IGF1R: variants seen among roughly 807,000 people sequenced by gnomAD.
IGF1R encodes the protein insulin like growth factor 1 receptor, also known as insulin-like growth factor 1 receptor.
A neutral mutation model predicts 144.6 loss-of-function variants in IGF1R; 44 were observed. The ratio of observed to expected loss-of-function variants is 0.30; its 90% CI spans 0.24 to 0.39. The LOEUF (loss-of-function observed/expected upper bound fraction) is 0.39, where lower values mean the gene tolerates loss of function less well. IGF1R is among the 10% of genes least tolerant of loss of function. IGF1R has a pLI of 1.00. For missense variants in IGF1R, 1,355 were observed against 1,833.7 expected (o/e 0.74, Z 4.77); for synonymous variants, 795 against 722.8 (o/e 1.10, Z -1.60).
At chr15:98,927,262 C>T (rs1156439581) in intron 13 of IGF1R, among the ~76,000 whole-genome samples, 1 of 152,180 alleles carries the variant, frequency 6.6e-6, no homozygotes. Context: ...AGACTCTGTC[C>T]TGCTACAGTT....
chr15:98,958,740 T>C lies in IGF1R; in HGVS notation c.*1298T>C, dbSNP rs1000010021. The C allele has an allele frequency of 8.6e-6, 2 of 232,446 alleles. No homozygotes were observed. Among genetic ancestry groups the C allele is most frequent in the Admixed American group, 5.6e-5 (1 of 17,742 alleles). 14.4% of individuals were successfully genotyped at this position (232,446 alleles called of 1,614,324 possible). ...CTATTTTTTTTGTTCTTGATCTTTG[T>C]GGATTTAATCTATGAAAACCTTCAG... is the stretch of plus-strand genomic sequence containing the variant. On this transcript the variant is annotated 3_prime_UTR_variant, in exon 21 of 21. Coordinates refer to ENST00000650285, the MANE Select transcript of IGF1R (RefSeq NM_000875.5).
At chr15:98,862,103 G>A (rs930989121) in intron 2 of IGF1R, among the ~76,000 whole-genome samples, 7 of 152,144 alleles carry the variant, frequency 4.6e-5, no homozygotes, top group African/African-American at 1.7e-4. Flanking sequence ...GAAACTGTAG[G>A]GCTTATGATG....
chr15:98,824,338 C>T (rs1337019730), intron 2 of IGF1R: 1 of 152,316 alleles, frequency 6.6e-6, no homozygotes, highest in Admixed American at 6.5e-5. Context: ...TTTTCCTCTG[C>T]TCTTTCAGTC....
rs1163120912 is a variant in IGF1R, at chr15:98,960,602, A to G, written c.*3160A>G. 1.3e-5 allele frequency: 3 copies of G among 233,432 alleles called. No homozygotes were observed. Among genetic ancestry groups the G allele is most frequent in the Non-Finnish European group, 2.5e-5 (3 of 118,266 alleles). 14.5% of individuals were successfully genotyped at this position (233,432 alleles called of 1,614,324 possible). ...GGTTTGCTCCCCTTGCTGCTGCTCCATCCCTGCAGGAGGCTCGCGCTGAGG... is the reference window on the plus strand; with the variant it reads ...GGTTTGCTCCCCTTGCTGCTGCTCCGTCCCTGCAGGAGGCTCGCGCTGAGG... On this transcript the variant is annotated 3_prime_UTR_variant, in exon 21 of 21. Transcript: ENST00000650285.
At chr15:98,877,125 T>C (rs1352036710) in intron 2 of IGF1R, among the ~76,000 whole-genome samples, 3 of 152,232 alleles carry the variant, frequency 2.0e-5, no homozygotes, top group Admixed American at 2.0e-4. Context: ...GCTGTTGCTG[T>C]CCATGCTTCT....
chr15:98,661,820 TAGAA>T lies in IGF1R; in HGVS notation c.94+12148_94+12151del, dbSNP rs528394693. Among the ~76,000 whole-genome samples, 34 of 152,288 alleles carry T rather than the reference TAGAA, an allele frequency of 2.2e-4. No homozygotes were observed. In the South Asian group the frequency reaches 6.0e-3, roughly 27 times the overall value. On this transcript the variant is annotated intron_variant, in intron 1 of 20. Transcript: ENST00000650285. ...CAAGCTGCCCAGCAAACCTGGCAAA[TAGAA>T]AGCATCCAATAAATGGATGCTTTTC...
At chr15:98,881,717 G>T (rs569763446) in intron 2 of IGF1R, among the ~76,000 whole-genome samples, 41 of 152,180 alleles carry the variant, frequency 2.7e-4, no homozygotes, top group Non-Finnish European at 3.8e-4. Context: ...AGGAGGATCT[G>T]GGTTCCAAGC....
At chr15:98,910,793 GT>G (rs2014976522) in intron 6 of IGF1R, among the ~76,000 whole-genome samples, 1 of 152,342 alleles carries the variant, frequency 6.6e-6, no homozygotes, top group East Asian at 1.9e-4. Flanking sequence ...TGTCCTTCCA[GT>G]TTGATACCAA....
intron 2 of IGF1R, among the ~76,000 whole-genome samples, chr15:98,736,803 C>T (rs770624796): frequency 5.9e-5 from 9 of 151,746 alleles, no homozygotes; most frequent in Non-Finnish European, 7.4e-5. Flanking sequence ...GTAGAGACGA[C>T]GTTTCACCAT....
intron 2 of IGF1R, among the ~76,000 whole-genome samples, chr15:98,838,297 T>TA (rs1462842603): frequency 3.3e-5 from 5 of 152,256 alleles, no homozygotes; most frequent in African/African-American, 1.2e-4. Context: ...TTTAGAAAGA[T>TA]AAAAATTAAA....
chr15:98,794,595 T>G (rs2056197469), intron 2 of IGF1R, among the ~76,000 whole-genome samples: 1 of 152,256 alleles, frequency 6.6e-6, no homozygotes, highest in South Asian at 2.1e-4. Flanking sequence ...AGTGGCATTC[T>G]GATTTGTCTG....
chr15:98,823,204 C>G (rs147028838), intron 2 of IGF1R, among the ~76,000 whole-genome samples: 1 of 152,230 alleles, frequency 6.6e-6, no homozygotes, highest in African/African-American at 2.4e-5. Flanking sequence ...TGTGCTGTTC[C>G]TCTCTCTTTC....
At chr15:98,727,078 CT>C (rs1185449363) in intron 2 of IGF1R, among the ~76,000 whole-genome samples, 1 of 152,062 alleles carries the variant, frequency 6.6e-6, no homozygotes, top group Non-Finnish European at 1.5e-5. Flanking sequence ...GATTAGGTAC[CT>C]TTGTTTGGTT....
chr15:98,959,385 A>G lies in IGF1R; in HGVS notation c.*1943A>G, dbSNP rs1032299555. ...TGGCCCTCGCCACCCCCCTCACCGG[A>G]CCGACTGACCTGTCTTTGGAACCAG... On this transcript the variant is annotated 3_prime_UTR_variant, in exon 21 of 21. Transcript: ENST00000650285. The G allele has an allele frequency of 1.3e-5, 3 of 233,612 alleles. No individual in the cohort carries two copies. Among genetic ancestry groups the G allele is most frequent in the African/African-American group, 6.6e-5 (3 of 45,344 alleles). The allele number at this position is 233,612 out of a possible 1,614,324, so 14.5% of individuals were successfully genotyped here.
chr15:98,670,831 A>G (rs532501939), intron 1 of IGF1R, among the ~76,000 whole-genome samples: 2 of 152,330 alleles, frequency 1.3e-5, no homozygotes, highest in Non-Finnish European at 2.9e-5. Flanking sequence ...TTCTCCCCCA[A>G]TCAACATACA....
chr15:98,800,781 T>G (rs1329264351), intron 2 of IGF1R, among the ~76,000 whole-genome samples: 1 of 152,190 alleles, frequency 6.6e-6, no homozygotes, highest in Non-Finnish European at 1.5e-5. Context: ...CCAGTCCCAG[T>G]TCCTGCAGCT....
chr15:98,760,915 G>C lies in IGF1R; in HGVS notation c.640+52808G>C, dbSNP rs1343226352. 2.0e-5 allele frequency among the ~76,000 whole-genome samples: 3 copies of C among 152,372 alleles called. No individual in the cohort carries two copies. The South Asian group carries it at 6.2e-4, about 32-fold the overall frequency. On this transcript the variant is annotated intron_variant, in intron 2 of 20. Transcript: ENST00000650285. ...TCAGCTCTTCTTGGCCGTGTTGTTT[G>C]CTTTTCGATGTCTAATTTATGAAAG...
intron 1 of IGF1R, among the ~76,000 whole-genome samples, chr15:98,658,097 T>A (rs1263153317): frequency 6.6e-6 from 1 of 152,204 alleles, no homozygotes; most frequent in East Asian, 1.9e-4. Flanking sequence ...AGGTCCTTAG[T>A]AATCCTGTGC....
chr15:98,661,193 C>T (rs1375652207), intron 1 of IGF1R, among the ~76,000 whole-genome samples: 8 of 152,144 alleles, frequency 5.3e-5, no homozygotes, highest in Non-Finnish European at 8.8e-5. Context: ...AAGCTTTTGC[C>T]TCACTCCTGG....
Sources: gnomAD v4.1 joint callset for allele counts (sites outside exome capture counted in the v4.1 genomes callset) on GRCh38, gnomAD v4.1.1 for gene constraint, MANE v1.5 for transcripts, NCBI Gene and HGNC (gene_info 2026-07-23, HGNC 2026-07-21) for gene names.